Variants in PTPN13 observed in about 807,000 individuals in gnomAD.
PTPN13 encodes the protein tyrosine-protein phosphatase non-receptor type 13.
PTPN13 carries 191 observed loss-of-function variants against 284.0 expected under a neutral mutation model. The observed-to-expected ratio is 0.67, with a 90% confidence interval of 0.60 to 0.76. The LOEUF (loss-of-function observed/expected upper bound fraction) is 0.76, where lower values mean the gene tolerates loss of function less well. Among genes scored for constraint, PTPN13 ranks in the 30% least tolerant of loss-of-function variants. The pLI is 0.00. For synonymous variants in PTPN13, 986 were observed against 1,022.3 expected (o/e 0.96, Z 0.68); for missense variants, 2,797 against 2,939.9 (o/e 0.95, Z 1.12).
At chr4:86,616,486 A>G (rs562063567) in intron 1 of PTPN13, among the ~76,000 whole-genome samples, 1 of 143,958 alleles carries the variant, frequency 6.9e-6, no homozygotes, top group South Asian at 2.3e-4. Flanking sequence ...TCATCCTGAC[A>G]TGTAATCCCC....
At chr4:86,696,426 T>A (rs1219660480) in intron 6 of PTPN13, among the ~76,000 whole-genome samples, 1 of 151,976 alleles carries the variant, frequency 6.6e-6, no homozygotes, top group Admixed American at 6.5e-5. Context: ...TGTTAAACAT[T>A]AAGTTGTATG....
In PTPN13 at chr4:86,722,305, A is replaced by C. The variant is rs760296427; in HGVS notation, c.1479A>C (p.Lys493Asn). ...AAGAACTGATGCAGCTACAAGCCAA[A>C]ATGGCCCTTAGACAGTCTCGGTTGA... is the stretch of plus-strand genomic sequence containing the variant. ...QEEELMQLQAKMALRQSRLSL... is the reference protein window; with the variant it reads ...QEEELMQLQANMALRQSRLSL... Residue 493 changes from lysine to asparagine, a missense_variant, in exon 10 of 48, where the codon AAA becomes AAC. By Grantham distance (94) the Lys-to-Asn change is moderately conservative. Transcript: ENST00000411767. The C allele has an allele frequency of 1.9e-6, 3 of 1,613,762 alleles. No homozygotes were observed. Among genetic ancestry groups the C allele is most frequent in the Admixed American group, 3.3e-5 (2 of 59,978 alleles).
rs1741401542 is a variant in PTPN13, at chr4:86,782,214, G to T, written c.5976G>T (p.Val1992=). The T allele has an allele frequency of 6.2e-7, 1 of 1,608,006 alleles. No homozygotes were observed. The highest frequency in any genetic ancestry group is 2.2e-5 in the East Asian group (1 of 44,814). ...TTGTCCTTTCAGGTTCCTACAGTGT[G>T]GGGTCTTGCAGCCAGCCTGCCCTCA... ...KSTKGNGSYS[V]GSCSQPALTP... is the part of the protein sequence containing the mutation. The change falls in exon 37 of 48, where the codon GTG becomes GTT. Residue 1992 remains valine, a synonymous_variant. Transcript: ENST00000411767.
In PTPN13 at chr4:86,701,654, G is replaced by A; in HGVS notation, c.1048G>A (p.Ala350Thr). 1 of 1,613,924 alleles carries A rather than the reference G, an allele frequency of 6.2e-7. No homozygotes were observed. The highest frequency in any genetic ancestry group is 8.5e-7 in the Non-Finnish European group (1 of 1,179,854). The change falls in exon 7 of 48, where the codon GCC (alanine) becomes ACC (threonine). Residue 350 changes from alanine (A) to threonine (T), a missense_variant. Coordinates refer to ENST00000411767, the MANE Select transcript of PTPN13 (RefSeq NM_080683.3). ...GGCAAGATACTCAGATGGAAGTATA[G>A]CCTTGGATATCTTTGGCCCTCAGAA... ...KEARYSDGSIALDIFGPQKMD... is the reference protein window; with the variant it reads ...KEARYSDGSITLDIFGPQKMD...
intron 35 of PTPN13, among the ~76,000 whole-genome samples, chr4:86,779,261 A>C (rs1330910177): frequency 1.3e-5 from 2 of 152,040 alleles, no homozygotes; most frequent in Non-Finnish European, 2.9e-5. Flanking sequence ...TAAAAATACA[A>C]AAAATCTTAG....
chr4:86,663,514 T>G (rs1726748062), intron 2 of PTPN13, among the ~76,000 whole-genome samples: 1 of 152,194 alleles, frequency 6.6e-6, no homozygotes, highest in Non-Finnish European at 1.5e-5. Context: ...AATGAAGGTC[T>G]TATGACCTAT....
At chr4:86,641,745 G>C (rs72870679) in intron 2 of PTPN13, among the ~76,000 whole-genome samples, 10 of 152,094 alleles carry the variant, frequency 6.6e-5, no homozygotes, top group African/African-American at 2.4e-4. Context: ...TTACTAAAAC[G>C]TACAATCTGT....
intron 17 of PTPN13, among the ~76,000 whole-genome samples, chr4:86,749,048 A>T (rs17420607): frequency 5.3e-5 from 8 of 152,096 alleles, no homozygotes; most frequent in Admixed American, 4.6e-4. Flanking sequence ...CTTCAGAGAG[A>T]GATCATTGAA....
intron 1 of PTPN13, among the ~76,000 whole-genome samples, chr4:86,603,685 G>A (rs1764509107): frequency 6.6e-6 from 1 of 151,948 alleles, no homozygotes; most frequent in African/African-American, 2.4e-5. Flanking sequence ...TATAAAATGA[G>A]TCATTACATT....
chr4:86,615,637 A>G (rs1720453741), intron 1 of PTPN13, among the ~76,000 whole-genome samples: 1 of 152,144 alleles, frequency 6.6e-6, no homozygotes, highest in African/African-American at 2.4e-5. Flanking sequence ...TCCCTATGAC[A>G]TCCTCTCCAG....
intron 7 of PTPN13, among the ~76,000 whole-genome samples, chr4:86,711,685 A>G (rs1732442434): frequency 6.6e-6 from 1 of 152,196 alleles, no homozygotes; most frequent in African/African-American, 2.4e-5. Context: ...TAATTTTTAC[A>G]TTGTAGGCTT....
At chr4:86,600,168 A>G (rs1037984330) in intron 1 of PTPN13, among the ~76,000 whole-genome samples, 9 of 152,120 alleles carry the variant, frequency 5.9e-5, no homozygotes, top group Admixed American at 5.9e-4. Flanking sequence ...AAAAAATGAG[A>G]TTCCTAAAGA....
chr4:86,695,467 AATTG>A (rs1211763990), intron 6 of PTPN13, among the ~76,000 whole-genome samples: 1 of 152,006 alleles, frequency 6.6e-6, no homozygotes, highest in East Asian at 1.9e-4. Flanking sequence ...GCAATTTGTT[AATTG>A]ATCAAATTTG....
intron 2 of PTPN13, among the ~76,000 whole-genome samples, chr4:86,640,427 T>C (rs922518299): frequency 7.9e-5 from 12 of 152,298 alleles, no homozygotes; most frequent in African/African-American, 2.9e-4. Flanking sequence ...TTAATAATTG[T>C]CAATTAATAT....
At chr4:86,700,826 A>C (rs1328968607) in intron 6 of PTPN13, among the ~76,000 whole-genome samples, 1 of 152,226 alleles carries the variant, frequency 6.6e-6, no homozygotes, top group Non-Finnish European at 1.5e-5. Context: ...CTAGGGCTTT[A>C]TAGTGATATG....
At chr4:86,685,877 G>A (rs1014965764) in intron 3 of PTPN13, among the ~76,000 whole-genome samples, 5 of 152,160 alleles carry the variant, frequency 3.3e-5, no homozygotes, top group Non-Finnish European at 7.4e-5. Flanking sequence ...ATCCATTTAA[G>A]AGAAATACTT....
At chr4:86,660,058 A>G (rs1367893069) in intron 2 of PTPN13, among the ~76,000 whole-genome samples, 1 of 152,242 alleles carries the variant, frequency 6.6e-6, no homozygotes, top group Non-Finnish European at 1.5e-5. Flanking sequence ...AATAAGCAAA[A>G]TAATCAGTCA....
chr4:86,705,118 G>A (rs1487918111), intron 7 of PTPN13, among the ~76,000 whole-genome samples: 1 of 151,992 alleles, frequency 6.6e-6, no homozygotes, highest in South Asian at 2.1e-4. Context: ...GGCAGATCAC[G>A]AGGTCAGGAG....
At position 86,693,603 on chromosome 4, in the gene PTPN13, G is replaced by T; in HGVS notation, c.563G>T (p.Cys188Phe). 1 of 1,552,308 alleles carries T rather than the reference G, an allele frequency of 6.4e-7. No individual in the cohort carries two copies. The highest frequency in any genetic ancestry group is 1.2e-5 in the South Asian group (1 of 83,356). ...TGTGTACAGACAGATCAGCTTTCCT[G>T]TAACAGTGAACAAAAGCCTGATCGA... ...GNLSGTDQLS[C>F]NSEQKPDRSQ... is the part of the protein sequence containing the mutation. The change falls in exon 6 of 48, where the codon TGT (cysteine) becomes TTT (phenylalanine). Residue 188 changes from cysteine to phenylalanine, a missense_variant. Physicochemically the swap from Cys to Phe is radical, Grantham distance 205. Transcript: ENST00000411767.
Sources: allele counts gnomAD v4.1 joint callset (sites outside exome capture counted in the v4.1 genomes callset), GRCh38; gene constraint gnomAD v4.1.1; transcripts MANE v1.5; gene names NCBI Gene and HGNC (gene_info 2026-07-23, HGNC 2026-07-21).